OPCML: variants seen among roughly 807,000 people sequenced by gnomAD.
The protein encoded by OPCML is opioid-binding protein/cell adhesion molecule.
Under a neutral mutation model 37.8 loss-of-function variants are expected in OPCML, and 13 were observed. The ratio of observed to expected loss-of-function variants is 0.34; its 90% CI spans 0.22 to 0.55. The LOEUF is 0.55. OPCML is among the 20% of genes least tolerant of loss of function. The pLI is 0.91. For missense variants in OPCML, 341 were observed against 435.6 expected, an observed-to-expected ratio of 0.78 and a Z score of 1.93; for synonymous variants, 176 against 168.8, an observed-to-expected ratio of 1.04 and a Z score of -0.33.
intron 2 of OPCML, among the ~76,000 whole-genome samples, chr11:132,731,155 A>C (rs1254490694): frequency 6.6e-6 from 1 of 152,220 alleles, no homozygotes; most frequent in Non-Finnish European, 1.5e-5. Context: ...TTAAGAAAGC[A>C]AATGTTTAAT....
chr11:133,505,065 C>A (rs1001921662), intron 1 of OPCML, among the ~76,000 whole-genome samples: 1 of 152,178 alleles, frequency 6.6e-6, no homozygotes, highest in Non-Finnish European at 1.5e-5. Flanking sequence ...AGCACTGAGG[C>A]GATCGCAGGC....
chr11:132,573,167 G>GATCACAT (rs576283127), intron 3 of OPCML, among the ~76,000 whole-genome samples: 329 of 151,666 alleles, frequency 2.2e-3, no homozygotes, highest in African/African-American at 7.3e-3. Context: ...CTATATACGA[G>GATCACAT]ATCACATAGT....
intron 7 of OPCML, among the ~76,000 whole-genome samples, chr11:132,431,138 G>A (rs2095995475): frequency 6.6e-6 from 1 of 152,222 alleles, no homozygotes; most frequent in African/African-American, 2.4e-5. Context: ...AGAGCAAGCT[G>A]ATTTGCAATG....
chr11:133,408,151 C>CA (rs141489273), intron 1 of OPCML, among the ~76,000 whole-genome samples: 5,797 of 148,974 alleles, frequency 0.039, 146 homozygotes, highest in Non-Finnish European at 0.058. Context: ...TTGCTGGTCA[C>CA]AAAAAAAAAA....
At chr11:132,499,081 C>T (rs1406397630) in intron 4 of OPCML, among the ~76,000 whole-genome samples, 20 of 152,184 alleles carry the variant, frequency 1.3e-4, no homozygotes, top group Non-Finnish European at 2.8e-4. Context: ...TGAAATTCAG[C>T]CAGAAAGTAG....
chr11:133,180,684 T>C (rs1937783394), intron 1 of OPCML, among the ~76,000 whole-genome samples: 2 of 152,008 alleles, frequency 1.3e-5, no homozygotes, highest in South Asian at 4.2e-4. Context: ...GCGTCCTACC[T>C]TGCTTTCCCT....
chr11:133,344,029 C>T (rs1404825067), intron 1 of OPCML, among the ~76,000 whole-genome samples: 2 of 152,304 alleles, frequency 1.3e-5, no homozygotes, highest in East Asian at 3.9e-4. Context: ...AAAGATTAAA[C>T]CCTGCGAGGA....
At chr11:132,661,342 A>C (rs762742805) in intron 2 of OPCML, among the ~76,000 whole-genome samples, 45 of 152,226 alleles carry the variant, frequency 3.0e-4, no homozygotes, top group Non-Finnish European at 4.4e-4. Flanking sequence ...AAACAATGAA[A>C]TCAGTTGAGG....
At chr11:133,296,957 C>T (rs768098235) in intron 1 of OPCML, among the ~76,000 whole-genome samples, 80 of 152,172 alleles carry the variant, frequency 5.3e-4, no homozygotes, top group Admixed American at 2.1e-3. Flanking sequence ...ATCATTGACA[C>T]TGATCCAAAA....
intron 2 of OPCML, among the ~76,000 whole-genome samples, chr11:132,845,670 A>G (rs4937733): frequency 0.21 from 31,286 of 152,082 alleles, 3,670 homozygotes; most frequent in African/African-American, 0.29. Flanking sequence ...GTCTATTCGC[A>G]TTCAACACAG....
chr11:132,506,744 CA>C (rs1274807815), intron 4 of OPCML, among the ~76,000 whole-genome samples: 1 of 151,708 alleles, frequency 6.6e-6, no homozygotes, highest in African/African-American at 2.4e-5. Flanking sequence ...ATATTTATTT[CA>C]AAAAACTATA....
intron 1 of OPCML, among the ~76,000 whole-genome samples, chr11:132,972,186 G>A (rs1946358087): frequency 6.6e-6 from 1 of 152,078 alleles, no homozygotes; most frequent in African/African-American, 2.4e-5. Flanking sequence ...GCTCTGACTG[G>A]GAGAGATGGC....
At chr11:132,432,566 A>G (rs2096000831) in intron 7 of OPCML, among the ~76,000 whole-genome samples, 1 of 152,192 alleles carries the variant, frequency 6.6e-6, no homozygotes, top group African/African-American at 2.4e-5. Flanking sequence ...CCCTTCCTCT[A>G]TGCCATGGCA....
chr11:133,048,951 A>G (rs1393092553), intron 1 of OPCML, among the ~76,000 whole-genome samples: 2 of 152,238 alleles, frequency 1.3e-5, no homozygotes, highest in South Asian at 2.1e-4. Flanking sequence ...CAAAAGCTCA[A>G]TAACAGATAA....
chr11:132,537,490 A>G (rs2096343898), intron 3 of OPCML, among the ~76,000 whole-genome samples: 1 of 152,222 alleles, frequency 6.6e-6, no homozygotes, highest in South Asian at 2.1e-4. Context: ...AGAAGAAAAC[A>G]CAAGAAAAAC....
chr11:133,241,261 A>G lies in OPCML; in HGVS notation c.61+291003T>C, dbSNP rs76642469. On this transcript the variant is annotated intron_variant, in intron 1 of 7. Transcript: ENST00000524381. ...TGTTAGATACATGAGATCAGTAACT[A>G]TTTTCTATCACTTCCACATTGCTCA... Among the ~76,000 whole-genome samples the G allele has an allele frequency of 7.0e-3, 1,068 of 152,342 alleles. 16 individuals carry two copies. Among genetic ancestry groups the G allele is most frequent in the African/African-American group, 0.025 (1,023 of 41,578 alleles).
chr11:133,049,910 C>T (rs1056905745), intron 1 of OPCML, among the ~76,000 whole-genome samples: 4 of 152,220 alleles, frequency 2.6e-5, no homozygotes, highest in Admixed American at 2.6e-4. Context: ...AGCATGCATG[C>T]CTCTTCTCTC....
intron 1 of OPCML, among the ~76,000 whole-genome samples, chr11:133,466,925 G>A (rs886517067): frequency 1.3e-5 from 2 of 152,120 alleles, no homozygotes; most frequent in Admixed American, 6.5e-5. Flanking sequence ...GCATATCCTC[G>A]GGTAGAGTTG....
intron 1 of OPCML, among the ~76,000 whole-genome samples, chr11:133,243,634 C>A (rs548456846): frequency 6.6e-6 from 1 of 152,182 alleles, no homozygotes; most frequent in African/African-American, 2.4e-5. Context: ...GCCAAACACA[C>A]GGCTCCAGTC....
Sources: gnomAD v4.1 joint callset for allele counts (sites outside exome capture counted in the v4.1 genomes callset) on GRCh38, gnomAD v4.1.1 for gene constraint, MANE v1.5 for transcripts, NCBI Gene and HGNC (gene_info 2026-07-23, HGNC 2026-07-21) for gene names.